VPS35: variants seen among roughly 807,000 people sequenced by gnomAD.
VPS35 encodes VPS35 retromer complex component.
A neutral mutation model predicts 98.1 loss-of-function variants in VPS35; 21 were observed. The ratio of observed to expected loss-of-function variants is 0.21; its 90% CI spans 0.15 to 0.31. The LOEUF (loss-of-function observed/expected upper bound fraction) is 0.31. Among genes scored for constraint, VPS35 ranks in the 10% least tolerant of loss-of-function variants. VPS35 has a pLI of 1.00. For missense variants in VPS35, 554 were observed against 950.8 expected, an observed-to-expected ratio of 0.58 and a Z score of 5.49; for synonymous variants, 268 against 318.2, an observed-to-expected ratio of 0.84 and a Z score of 1.68.
rs758046563 is a variant in VPS35, at chr16:46,689,156, C to T, written c.-23G>A. On this transcript the variant is annotated 5_prime_UTR_variant, in exon 1 of 17. Coordinates refer to ENST00000299138, the MANE Select transcript of VPS35 (RefSeq NM_018206.6). ...CATGGCGACTCCCCAGAGCCTGCAGCAAGCAGCACCCGCCCCGCGCGTAGC... is the reference window on the plus strand; with the variant it reads ...CATGGCGACTCCCCAGAGCCTGCAGTAAGCAGCACCCGCCCCGCGCGTAGC... 3.1e-6 allele frequency: 5 copies of T among 1,606,796 alleles called. No homozygotes were observed. The East Asian group carries it at 1.1e-4, about 36-fold the overall frequency.
rs894352151 is a variant in VPS35 at position 46,657,642 on chromosome 16, C to G, written c.*2830G>C. 6.6e-6 allele frequency: 1 copy of G among 152,098 alleles called. No homozygotes were observed. The highest frequency in any genetic ancestry group is 2.4e-5 in the African/African-American group (1 of 41,406). The allele number at this position is 152,098 out of a possible 1,614,324, so 9.4% of individuals were successfully genotyped here. On this transcript the variant is annotated 3_prime_UTR_variant, in exon 17 of 17. Coordinates refer to ENST00000299138, the MANE Select transcript of VPS35 (RefSeq NM_018206.6). ...TTTTGCAGTTCATTAACCTGATGAC[C>G]ACCAATTTCAGGCTTGAGGATGAGT...
intron 1 of VPS35, among the ~76,000 whole-genome samples, chr16:46,686,672 T>C (rs1032707715): frequency 3.9e-5 from 6 of 152,210 alleles, no homozygotes; most frequent in African/African-American, 1.2e-4. Context: ...AAGTGTCACA[T>C]AGAGCCTTAA....
intron 1 of VPS35, among the ~76,000 whole-genome samples, chr16:46,687,474 C>T (rs1966334959): frequency 6.6e-6 from 1 of 152,158 alleles, no homozygotes; most frequent in South Asian, 2.1e-4. Context: ...TCTTTCCACC[C>T]TCTTTATAGT....
rs1965928626 is a variant in VPS35 at position 46,662,514 on chromosome 16, G to C, written c.1828-32C>G. On this transcript the variant is annotated intron_variant, in intron 14 of 16. Transcript: ENST00000299138. Reference sequence around the variant, plus strand: ...AACATAAAGCAGAAAGGACTTTCAAGGACCAACCATCCTCTAGTTGAGCAT... The same window carrying C: ...AACATAAAGCAGAAAGGACTTTCAACGACCAACCATCCTCTAGTTGAGCAT... 1.9e-6 allele frequency: 3 copies of C among 1,610,906 alleles called. No individual in the cohort carries two copies. In the South Asian group the frequency reaches 3.3e-5, roughly 18 times the overall value.
Position 46,683,606 on chromosome 16 carries a change from G to C in VPS35, c.4C>G (p.Pro2Ala). 6.2e-7 allele frequency: 1 copy of C among 1,609,580 alleles called. No individual in the cohort carries two copies. Among genetic ancestry groups the C allele is most frequent in the East Asian group, 2.2e-5 (1 of 44,872 alleles). M[P>A]TTQQSPQDEQ... Reference sequence around the variant, plus strand: ...TCCTGAGGGGACTGCTGTGTTGTAGGCTGAAAAATAAAAAATTCCACTGAT... The same window carrying C: ...TCCTGAGGGGACTGCTGTGTTGTAGCCTGAAAAATAAAAAATTCCACTGAT... The change falls in exon 2 of 17, where the codon CCT (proline) becomes GCT (alanine). Residue 2 changes from proline (P) to alanine (A), a missense_variant and splice_region_variant. By Grantham distance (27) the Pro-to-Ala change is conservative (BLOSUM62 -1). This residue lies in a region of VPS35 where 67 missense variants were observed against 103.3 expected (regional missense o/e 0.65). Coordinates refer to ENST00000299138, the MANE Select transcript of VPS35 (RefSeq NM_018206.6).
At chr16:46,672,157 A>C in intron 11 of VPS35, 108 bp downstream of exon 11, 7 of 955,392 alleles carry the variant, frequency 7.3e-6, no homozygotes, top group East Asian at 2.6e-5. Flanking sequence ...GTTACTTGTA[A>C]ATTTTATTTA....
In VPS35 at chr16:46,668,139, C is replaced by T. The variant is rs933515898; in HGVS notation, c.1647+791G>A. Among the ~76,000 whole-genome samples, 7 of 152,078 alleles carry T rather than the reference C, an allele frequency of 4.6e-5. 1 individual carries two copies. The highest frequency in any genetic ancestry group is 3.9e-4 in the Admixed American group (6 of 15,248). On this transcript the variant is annotated intron_variant, in intron 13 of 16. Coordinates refer to ENST00000299138, the MANE Select transcript of VPS35 (RefSeq NM_018206.6). ...GGCCAGATGCAGTGGTTCACACCTACAATCCTAGCACTTTGAGAGGCTGAG... is the reference window on the plus strand; with the variant it reads ...GGCCAGATGCAGTGGTTCACACCTATAATCCTAGCACTTTGAGAGGCTGAG...
At chr16:46,674,518 G>C (rs1410333654) in intron 9 of VPS35, 46 bp downstream of exon 9, 1 of 1,605,956 alleles carries the variant, frequency 6.2e-7, no homozygotes, top group South Asian at 1.1e-5. Context: ...AAGGAAGGCA[G>C]AGAAGTTTCA....
chr16:46,677,309 A>G lies in VPS35; in HGVS notation c.804+6T>C. The G allele has an allele frequency of 6.2e-7, 1 of 1,611,850 alleles. No individual in the cohort carries two copies. ...GTTTAAAAAAAAATGAAATGTTCCC[A>G]GCTACCTGAATAATACACTCCATGA... On this transcript the variant is annotated splice_donor_region_variant and intron_variant, in intron 7 of 16. Transcript: ENST00000299138.
At chr16:46,676,041 GGT>G (rs1966144441) in intron 8 of VPS35, among the ~76,000 whole-genome samples, 1 of 134,958 alleles carries the variant, frequency 7.4e-6, no homozygotes, top group South Asian at 2.3e-4. Flanking sequence ...CTCTAGCTTG[GGT>G]GACAAGAGTG....
Position 46,663,027 on chromosome 16 carries a change from C to G in VPS35, c.1783G>C (p.Gly595Arg), listed in dbSNP as rs201566773. The G allele has an allele frequency of 2.5e-6, 4 of 1,614,088 alleles. No homozygotes were observed. In the South Asian group the frequency reaches 4.4e-5, roughly 18 times the overall value. Residue 595 changes from glycine to arginine, a missense_variant, in exon 14 of 17, where the codon GGT (glycine) becomes CGT (arginine). Physicochemically the swap from Gly to Arg is moderately radical, Grantham distance 125. Coordinates refer to ENST00000299138, the MANE Select transcript of VPS35 (RefSeq NM_018206.6). ...GCGACTGTCTCATGATTTTCAAAAC[C>G]AATTTCCCCAGCAGCTAGTGCTCCT... ...LQGALAAGEI[G>R]FENHETVAYE...
chr16:46,677,495 T>TCAA, intron 6 of VPS35, 97 bp from the exon 7 acceptor site: 1 of 1,022,544 alleles, frequency 9.8e-7, no homozygotes, highest in Non-Finnish European at 1.5e-6. Flanking sequence ...TTGAAAATCG[T>TCAA]ATTTGAGATT....
intron 8 of VPS35, among the ~76,000 whole-genome samples, chr16:46,676,103 A>G (rs1966146876): frequency 6.6e-6 from 1 of 151,808 alleles, no homozygotes; most frequent in African/African-American, 2.4e-5. Flanking sequence ...AGAAAATAAA[A>G]AAGTGGATGT....
At chr16:46,681,605 T>C (rs1287218576) in intron 3 of VPS35, 105 bp from the exon 4 acceptor site, 1 of 1,351,362 alleles carries the variant, frequency 7.4e-7, no homozygotes. Context: ...TCTTAAGTTT[T>C]AGTCCTTTAA....
rs375986040 is a variant in VPS35 at position 46,680,795 on chromosome 16, C to T, written c.382G>A (p.Asp128Asn). The T allele has an allele frequency of 6.2e-7, 1 of 1,613,930 alleles. No homozygotes were observed. Among genetic ancestry groups the T allele is most frequent in the Non-Finnish European group, 8.5e-7 (1 of 1,179,956 alleles). Residue 128 changes from aspartate to asparagine, a missense_variant, in exon 5 of 17, where the codon GAT (aspartate) becomes AAT (asparagine). This residue lies in a region of VPS35 where 77 missense variants were observed against 222.3 expected (regional missense o/e 0.35). Transcript: ENST00000299138. Reference sequence around the variant, plus strand: ...ATTTCTACCAAATCTTTCAAAATATCCTTCCTGGACTGAGGAAATGACTTG... The same window carrying T: ...ATTTCTACCAAATCTTTCAAAATATTCTTCCTGGACTGAGGAAATGACTTG... ...YVKSFPQSRK[D>N]ILKDLVEMCR...
At position 46,660,642 on chromosome 16, in the gene VPS35, G is replaced by C. The variant is rs1452449834; in HGVS notation, c.2221C>G (p.Gln741Glu). Reference sequence around the variant, plus strand: ...TTTTGGATAAGCTGGTTTAAAACCTGAATTGTTACCTACAAAAGAATATGT... The same window carrying C: ...TTTTGGATAAGCTGGTTTAAAACCTCAATTGTTACCTACAAAAGAATATGT... ...YEKENDAVTI[Q>E]VLNQLIQKIR... Residue 741 changes from glutamine (Q) to glutamate (E), a missense_variant, in exon 17 of 17, where the codon CAG becomes GAG. This residue lies in a region of VPS35 where 153 missense variants were observed against 211.0 expected (regional missense o/e 0.73). Transcript: ENST00000299138. The C allele has an allele frequency of 2.5e-6, 4 of 1,613,372 alleles. No individual in the cohort carries two copies. Among genetic ancestry groups the C allele is most frequent in the Non-Finnish European group, 3.4e-6 (4 of 1,179,890 alleles).
intron 12 of VPS35, among the ~76,000 whole-genome samples, chr16:46,671,437 G>A (rs1008412457): frequency 6.2e-4 from 94 of 151,876 alleles, no homozygotes; most frequent in African/African-American, 2.2e-3. Flanking sequence ...AAACAATTAT[G>A]TGTTTATATA....
rs1247681468 is a variant in VPS35, at chr16:46,661,855, C to T, written c.2074G>A (p.Gly692Arg). The T allele has an allele frequency of 6.8e-6, 11 of 1,613,874 alleles. No homozygotes were observed. Among genetic ancestry groups the T allele is most frequent in the South Asian group, 1.1e-5 (1 of 91,074 alleles). The change falls in exon 16 of 17, where the codon GGA becomes AGA. Residue 692 changes from glycine (G) to arginine (R), a missense_variant. By Grantham distance (125) the Gly-to-Arg change is moderately radical (BLOSUM62 -2). Transcript: ENST00000299138. This position sits in a 1 kb window ranked among gnomAD's most constrained non-coding sequence, Gnocchi z 4.3. The stretch of plus-strand genomic sequence containing the variant: ...AGGCACTCCATTACCCTCTTGCCTC[C>T]GTGAAGCTAAAATAAAAGGGCAGGG... ...NTDKNGEELH[G>R]GKRVMECLKK... is the part of the protein sequence containing the mutation.
At chr16:46,676,359 T>C (rs1966152834) in intron 8 of VPS35, 2 of 497,422 alleles carry the variant, frequency 4.0e-6, no homozygotes, top group South Asian at 2.4e-5. Flanking sequence ...AATAAAGATA[T>C]TCATTATCTT....
Sources: gnomAD v4.1 joint callset for allele counts (sites outside exome capture counted in the v4.1 genomes callset) on GRCh38, gnomAD v4.1.1 for gene constraint, gnomAD v4.1.1 regional missense constraint, Gnocchi (gnomAD v3.1) non-coding constraint, MANE v1.5 for transcripts, NCBI Gene and HGNC (gene_info 2026-07-23, HGNC 2026-07-21) for gene names.